OBP2B: variants seen among roughly 807,000 people sequenced by gnomAD.
OBP2B encodes odorant-binding protein 2b.
In OBP2B, 10 loss-of-function variants were observed where a neutral mutation model predicts 21.7. That is an observed-to-expected ratio of 0.46 (90% CI 0.28 to 0.78). The LOEUF is 0.78. Among genes scored for constraint, OBP2B ranks in the 30% least tolerant of loss-of-function variants. The pLI is 0.11. For synonymous variants in OBP2B, 73 were observed against 91.5 expected (o/e 0.80, Z 1.16); for missense variants, 153 against 217.7 (o/e 0.70, Z 1.87).
At chr9:133,210,038 C>G (rs1157306142), upstream of OBP2B, among the ~76,000 whole-genome samples, 4 of 152,188 alleles carry the variant, frequency 2.6e-5, no homozygotes, top group Admixed American at 2.6e-4. Context: ...CCCCAGCCCC[C>G]AGGACAGGCC....
the OBP2B span, among the ~76,000 whole-genome samples, chr9:133,218,689 T>A: frequency 6.6e-6 from 1 of 152,162 alleles, no homozygotes; most frequent in African/African-American, 2.4e-5. Context: ...AGCTGGATCA[T>A]GGCAGCTTTA....
At chr9:133,220,470 T>C in the OBP2B span, among the ~76,000 whole-genome samples, 1 of 152,066 alleles carries the variant, frequency 6.6e-6, no homozygotes, top group Non-Finnish European at 1.5e-5. Context: ...TGAATAATGG[T>C]CCCCTGAAGA....
chr9:133,218,695 C>A, the OBP2B span, among the ~76,000 whole-genome samples: 1 of 152,166 alleles, frequency 6.6e-6, no homozygotes, highest in Non-Finnish European at 1.5e-5. Flanking sequence ...ATCATGGCAG[C>A]TTTATGCCTG....
At chr9:133,211,137 G>A (rs1259508816), upstream of OBP2B, among the ~76,000 whole-genome samples, 1 of 152,128 alleles carries the variant, frequency 6.6e-6, no homozygotes, top group Non-Finnish European at 1.5e-5. Flanking sequence ...GCATAAGAAG[G>A]TTTAGATGGC....
the OBP2B span, among the ~76,000 whole-genome samples, chr9:133,218,780 T>C: frequency 2.6e-5 from 4 of 151,534 alleles, no homozygotes; most frequent in Non-Finnish European, 5.9e-5. Context: ...GGGACACAGA[T>C]TGGACTCTAG....
chr9:133,210,158 C>T (rs1482420206), upstream of OBP2B, among the ~76,000 whole-genome samples: 2 of 152,074 alleles, frequency 1.3e-5, no homozygotes, highest in Non-Finnish European at 2.9e-5. Context: ...GCTCTGCTGG[C>T]CTCATCCCCA....
rs1169503774 is a variant in OBP2B at position 133,208,195 on chromosome 9, T to A, written c.215A>T (p.Asp72Val). 1 of 1,611,774 alleles carries A rather than the reference T, an allele frequency of 6.2e-7. No homozygotes were observed. Among genetic ancestry groups the A allele is most frequent in the Non-Finnish European group, 8.5e-7 (1 of 1,179,816 alleles). Residue 72 changes from aspartate (D) to valine (V), a missense_variant, in exon 3 of 7, where the codon GAT (aspartate) becomes GTT (valine). Asp to Val is a radical substitution (Grantham distance 152, BLOSUM62 -3). Coordinates refer to ENST00000372034, the MANE Select transcript of OBP2B (RefSeq NM_014581.4). Reference protein sequence around the residue: ...LEATFTFMREDRCIQKKILMR... With the variant: ...LEATFTFMREVRCIQKKILMR... ...CAGGATTTTCTTCTGGATGCACCTA[T>A]CCTCCCTCCTGGAAAACAGGAGACA...
At chr9:133,215,341 C>A in the OBP2B span, among the ~76,000 whole-genome samples, 2 of 152,132 alleles carry the variant, frequency 1.3e-5, no homozygotes, top group African/African-American at 2.4e-5. Context: ...AGCGTCATTT[C>A]TCTCAAATAA....
intron 1 of OBP2B, 94 bp from the exon 2 acceptor site, chr9:133,208,696 G>A: frequency 1.3e-6 from 2 of 1,525,514 alleles, no homozygotes; most frequent in South Asian, 1.3e-5. Context: ...AGACACCCAT[G>A]GTGCCCGGCT....
intron 1 of OBP2B, 104 bp from the exon 2 acceptor site, chr9:133,208,706 T>A: frequency 6.6e-7 from 1 of 1,524,920 alleles, no homozygotes; most frequent in Non-Finnish European, 8.8e-7. Context: ...GGTGCCCGGC[T>A]GCTGCCCTTA....
At chr9:133,205,799 G>A in intron 6 of OBP2B, 118 bp downstream of exon 6, 1 of 1,286,136 alleles carries the variant, frequency 7.8e-7, no homozygotes, top group Non-Finnish European at 1.1e-6. Flanking sequence ...CCTCGTGCCT[G>A]ACCCTGGGGG....
chr9:133,205,989 G>A (rs1305716820), intron 5 of OBP2B, 49 bp from the exon 6 acceptor site: 1 of 1,613,620 alleles, frequency 6.2e-7, no homozygotes, highest in Admixed American at 1.7e-5. Context: ...CCTAGACCAG[G>A]GCCCAGACCC....
chr9:133,216,157 G>A, the OBP2B span, among the ~76,000 whole-genome samples: 1 of 151,268 alleles, frequency 6.6e-6, no homozygotes, highest in Non-Finnish European at 1.5e-5. Flanking sequence ...ACAAGCCAAA[G>A]ACTGAAAGAA....
chr9:133,220,051 G>A, the OBP2B span, among the ~76,000 whole-genome samples: 1 of 152,234 alleles, frequency 6.6e-6, no homozygotes, highest in South Asian at 2.1e-4. Flanking sequence ...TTTCTATGAA[G>A]TGTCCAGAAC....
chr9:133,211,183 G>A (rs1487681559), upstream of OBP2B, among the ~76,000 whole-genome samples: 1 of 152,206 alleles, frequency 6.6e-6, no homozygotes, highest in African/African-American at 2.4e-5. Context: ...AGCATGTGCT[G>A]GCTGGGACTG....
chr9:133,212,305 G>A (rs1221734548), upstream of OBP2B, among the ~76,000 whole-genome samples: 2 of 152,110 alleles, frequency 1.3e-5, no homozygotes, highest in Admixed American at 6.5e-5. Context: ...CAAAGAACTC[G>A]GCCACCCATC....
At chr9:133,206,037 C>A (rs1833695982) in intron 5 of OBP2B, 97 bp from the exon 6 acceptor site, 6 of 1,556,114 alleles carry the variant, frequency 3.9e-6, no homozygotes, top group Middle Eastern at 3.4e-4. Context: ...GAGCCCATCG[C>A]AGCCCAGAGC....
chr9:133,210,911 C>T (rs1833904370), upstream of OBP2B, among the ~76,000 whole-genome samples: 7 of 152,080 alleles, frequency 4.6e-5, no homozygotes, highest in Admixed American at 3.9e-4. Flanking sequence ...AGATCTCTGG[C>T]CCCCAGTGCT....
intron 3 of OBP2B, chr9:133,207,880 A>G (rs782644346): frequency 9.8e-6 from 15 of 1,524,774 alleles, no homozygotes; most frequent in Non-Finnish European, 1.3e-5. Flanking sequence ...AGCTTCCTCA[A>G]TGTGTCAATG....
Sources: allele counts gnomAD v4.1 joint callset (sites outside exome capture counted in the v4.1 genomes callset), GRCh38; gene constraint gnomAD v4.1.1; transcripts MANE v1.5; gene names NCBI Gene and HGNC (gene_info 2026-07-23, HGNC 2026-07-21).